The following ZBTB17 variants were observed in gnomAD, a reference collection of about 807,000 sequenced individuals.
The protein encoded by ZBTB17 is zinc finger and BTB domain-containing protein 17.
ZBTB17 carries 24 observed loss-of-function variants against 85.1 expected under a neutral mutation model. That is an observed-to-expected ratio of 0.28 (90% CI 0.20 to 0.40). ZBTB17 has a LOEUF of 0.40. Among genes scored for constraint, ZBTB17 ranks in the 10% least tolerant of loss-of-function variants. The pLI is 1.00. For missense variants in ZBTB17, 743 were observed against 1,105.1 expected (o/e 0.67, Z 4.65); for synonymous variants, 464 against 460.2 (o/e 1.01, Z -0.11).
chr1:15,963,370 AACTGATAGGTCAGTAAGTAAT>A (rs1306103088), intron 2 of ZBTB17, among the ~76,000 whole-genome samples: 1 of 152,238 alleles, frequency 6.6e-6, no homozygotes, highest in African/African-American at 2.4e-5. Context: ...TGTATCAAAG[AACTGATAGGTCAGTAAGTAAT>A]ACTGAGAGGT....
At chr1:15,947,333 G>A in intron 3 of ZBTB17, 1 of 586,068 alleles carries the variant, frequency 1.7e-6, no homozygotes, top group Non-Finnish European at 3.0e-6. Context: ...CTCGCTGAGG[G>A]TCTGAATGCC....
chr1:15,963,853 C>G (rs1361417008), intron 2 of ZBTB17, among the ~76,000 whole-genome samples: 1 of 152,120 alleles, frequency 6.6e-6, no homozygotes, highest in Non-Finnish European at 1.5e-5. Context: ...CACCTCTAAT[C>G]CTAGCACTTT....
chr1:15,960,975 G>A lies in ZBTB17; in HGVS notation c.-3+12064C>T, dbSNP rs183769902. ...AAAAAAATACAAAAATTAGCCAGGC[G>A]TGCTGGTGCATGCCTGTGGTCCCAG... On this transcript the variant is annotated intron_variant, in intron 2 of 15. Coordinates refer to ENST00000375743, the MANE Select transcript of ZBTB17 (RefSeq NM_003443.3). 2.1e-3 allele frequency among the ~76,000 whole-genome samples: 323 copies of A among 151,340 alleles called. 4 individuals are homozygous for A. The highest frequency in any genetic ancestry group is 0.017 in the Admixed American group (255 of 15,220).
chr1:15,975,961 C>G lies in ZBTB17; in HGVS notation c.-90+22G>C, dbSNP rs1240602048. On this transcript the variant is annotated intron_variant, in intron 1 of 15. Transcript: ENST00000375743. ...CCCGGCTCCCGGGACTTCCCCGGCCCCGGGCGATTGTTGACACTCACCTGC... is the reference window on the plus strand; with the variant it reads ...CCCGGCTCCCGGGACTTCCCCGGCCGCGGGCGATTGTTGACACTCACCTGC... The G allele has an allele frequency of 1.7e-5, 12 of 699,626 alleles. No homozygotes were observed. In the African/African-American group the frequency reaches 2.1e-4, roughly 12 times the overall value. The allele number at this position is 699,626 out of a possible 1,614,324, so 43.3% of individuals were successfully genotyped here. A position where few individuals can be genotyped will look rare whatever the true frequency, so the allele number is the denominator to read the frequency against.
intron 4 of ZBTB17, 84 bp downstream of exon 4, chr1:15,946,851 G>A: frequency 6.8e-7 from 1 of 1,478,166 alleles, no homozygotes; most frequent in Non-Finnish European, 9.1e-7. Context: ...TGAGGAAACT[G>A]AGACCCAGAA....
At position 15,967,007 on chromosome 1, in the gene ZBTB17, A is replaced by C. The variant is rs141800739; in HGVS notation, c.-3+6032T>G. Reference sequence around the variant, plus strand: ...ATCTCCAGGACAATATGTTTTGTACATAAAATGTATTTGGAGTTTTTTGTT... The same window carrying C: ...ATCTCCAGGACAATATGTTTTGTACCTAAAATGTATTTGGAGTTTTTTGTT... On this transcript the variant is annotated intron_variant, in intron 2 of 15. Transcript: ENST00000375743. Among the ~76,000 whole-genome samples the C allele has an allele frequency of 4.2e-3, 638 of 152,132 alleles. 9 individuals carry two copies. The highest frequency in any genetic ancestry group is 0.014 in the African/African-American group (601 of 41,534).
Position 15,942,045 on chromosome 1 carries a change from C to T in ZBTB17, c.2336G>A (p.Arg779His), listed in dbSNP as rs760160103. ...TGCGGGCTGGCCCTCAGCCCCGTCG[C>T]GAGGGCGGAAGACCAGCTCCCCAGC... ...LQAGELVFRP[R>H]DGAEGQPALA... The change falls in exon 16 of 16, where the codon CGC becomes CAC. Residue 779 changes from arginine (R) to histidine (H), a missense_variant. Physicochemically the swap from Arg to His is conservative, Grantham distance 29. Coordinates refer to ENST00000375743, the MANE Select transcript of ZBTB17 (RefSeq NM_003443.3). The T allele has an allele frequency of 9.9e-6, 16 of 1,611,760 alleles. No individual in the cohort carries two copies. Among genetic ancestry groups the T allele is most frequent in the African/African-American group, 6.7e-5 (5 of 74,926 alleles).
chr1:15,972,295 A>G (rs765256007), intron 2 of ZBTB17, among the ~76,000 whole-genome samples: 1 of 152,224 alleles, frequency 6.6e-6, no homozygotes, highest in Admixed American at 6.5e-5. Context: ...CCTGGGCCCA[A>G]GCCCTGTAAA....
intron 2 of ZBTB17, among the ~76,000 whole-genome samples, chr1:15,955,004 A>G (rs968959111): frequency 2.0e-5 from 3 of 152,134 alleles, no homozygotes; most frequent in African/African-American, 7.2e-5. Context: ...AAATACAAAA[A>G]TTAGCTGGGT....
rs1357258767 is a variant in ZBTB17 at position 15,952,455 on chromosome 1, G to A, written c.-2-3958C>T. 6.6e-6 allele frequency among the ~76,000 whole-genome samples: 1 copy of A among 152,248 alleles called. No homozygotes were observed. The highest frequency in any genetic ancestry group is 2.4e-5 in the African/African-American group (1 of 41,464). On this transcript the variant is annotated intron_variant, in intron 2 of 15. Coordinates refer to ENST00000375743, the MANE Select transcript of ZBTB17 (RefSeq NM_003443.3). The surrounding 1 kb of genome is among the most constrained non-coding windows in gnomAD (Gnocchi z 4.3). ...GCAGAACCGACACGGCGGAACGGAC[G>A]CGGATGATGCAGAGCCCCTCTCAGG...
At chr1:15,967,097 C>T (rs848200) in intron 2 of ZBTB17, among the ~76,000 whole-genome samples, 16,017 of 152,094 alleles carry the variant, frequency 0.11, 1,215 homozygotes, top group Admixed American at 0.23. Flanking sequence ...CCCCACAGGA[C>T]ACCACCCCTG....
chr1:15,969,903 A>C (rs1455669963), intron 2 of ZBTB17: 7 of 633,234 alleles, frequency 1.1e-5, no homozygotes, highest in Non-Finnish European at 2.0e-5. Context: ...GGCAGCTAGG[A>C]CTCTGGAGTC....
chr1:15,944,339 C>T lies in ZBTB17; in HGVS notation c.1332G>A (p.Lys444=). The T allele has an allele frequency of 6.4e-7, 1 of 1,556,284 alleles. No homozygotes were observed. Among genetic ancestry groups the T allele is most frequent in the Non-Finnish European group, 8.7e-7 (1 of 1,149,980 alleles). ...TGTCGCAGTGTGGGCACTTGTGCTC[C>T]TTGTCCGTGTCGTGGGTCTCCAGGT... ...MRHLETHDTD[K]EHKCPHCDKK... is the part of the protein sequence containing the mutation. Residue 444 remains lysine, a synonymous_variant, in exon 9 of 16, where the codon AAG becomes AAA. Transcript: ENST00000375743.
intron 2 of ZBTB17, among the ~76,000 whole-genome samples, chr1:15,959,722 A>G (rs1484209685): frequency 6.6e-6 from 1 of 152,112 alleles, no homozygotes; most frequent in Non-Finnish European, 1.5e-5. Flanking sequence ...GCAGCAAGCT[A>G]TGATCACACC....
chr1:15,941,977 C>G lies in ZBTB17; in HGVS notation c.2404G>C (p.Ala802Pro). 1 of 1,593,372 alleles carries G rather than the reference C, an allele frequency of 6.3e-7. No homozygotes were observed. Among genetic ancestry groups the G allele is most frequent in the Admixed American group, 1.7e-5 (1 of 59,700 alleles). Residue 802 changes from alanine to proline, a missense_variant, in exon 16 of 16, where the codon GCC (alanine) becomes CCC (proline). Ala to Pro is a conservative substitution (Grantham distance 27, BLOSUM62 -1). Around this residue, in one of 4 missense-constraint regions of ZBTB17, gnomAD observed 69 missense variants for 77.0 expected, o/e 0.90. Transcript: ENST00000375743. ...TCAGAAGGGCCGCCAGCTCACTCGG[C>G]AGGCGGGGGACATTCAGGAGCTGTA... Reference protein sequence around the residue: ...SPTAPECPPPAE With the variant: ...SPTAPECPPPPE
At position 15,951,126 on chromosome 1, in the gene ZBTB17, G is replaced by T. The variant is rs563409303; in HGVS notation, c.-2-2629C>A. On this transcript the variant is annotated intron_variant, in intron 2 of 15. Transcript: ENST00000375743. The surrounding 1 kb of genome is among the most constrained non-coding windows in gnomAD (Gnocchi z 4.1). ...TGCACTTTTCCAATGCAAGATGCCC[G>T]CCCAGAAGTGGGCTCCTCCCACACA... 8.5e-5 allele frequency among the ~76,000 whole-genome samples: 13 copies of T among 152,222 alleles called. No individual in the cohort carries two copies. The highest frequency in any genetic ancestry group is 7.2e-4 in the Admixed American group (11 of 15,282).
At chr1:15,972,621 G>A (rs1292919021) in intron 2 of ZBTB17, among the ~76,000 whole-genome samples, 1 of 152,198 alleles carries the variant, frequency 6.6e-6, no homozygotes, top group Non-Finnish European at 1.5e-5. Flanking sequence ...AGGAGCTACA[G>A]CAGCCAGCTT....
chr1:15,960,138 G>A (rs576913066), intron 2 of ZBTB17, among the ~76,000 whole-genome samples: 3 of 152,298 alleles, frequency 2.0e-5, no homozygotes, highest in African/African-American at 7.2e-5. Context: ...ACTGTGGGGG[G>A]CTTGCTGCTC....
intron 2 of ZBTB17, among the ~76,000 whole-genome samples, chr1:15,949,136 T>C (rs2071732090): frequency 6.6e-6 from 1 of 152,128 alleles, no homozygotes; most frequent in Non-Finnish European, 1.5e-5. Flanking sequence ...TCCAGAAACC[T>C]GTGTCCTGGT....
Sources: gnomAD v4.1 joint callset for allele counts (sites outside exome capture counted in the v4.1 genomes callset) on GRCh38, gnomAD v4.1.1 for gene constraint, gnomAD v4.1.1 regional missense constraint, Gnocchi (gnomAD v3.1) non-coding constraint, MANE v1.5 for transcripts, NCBI Gene and HGNC (gene_info 2026-07-23, HGNC 2026-07-21) for gene names.